The following MTUS2 variants were observed in gnomAD, a reference collection of about 807,000 sequenced individuals.
The protein encoded by MTUS2 is microtubule-associated tumor suppressor candidate 2.
A neutral mutation model predicts 114.1 loss-of-function variants in MTUS2; 40 were observed. The observed-to-expected ratio is 0.35, with a 90% CI of 0.27 to 0.46. The LOEUF (loss-of-function observed/expected upper bound fraction) is 0.46, where lower values mean the gene tolerates loss of function less well. Ranked by LOEUF, MTUS2 falls within the 20% of genes least tolerant of loss-of-function variation. MTUS2 has a pLI of 1.00. For synonymous variants in MTUS2, 688 were observed against 672.0 expected, an observed-to-expected ratio of 1.02 and a Z score of -0.37; for missense variants, 1,679 against 1,705.4, an observed-to-expected ratio of 0.98 and a Z score of 0.27.
chr13:29,185,373 T>A (rs1306286417), intron 5 of MTUS2, among the ~76,000 whole-genome samples: 1 of 152,036 alleles, frequency 6.6e-6, no homozygotes, highest in Non-Finnish European at 1.5e-5. Flanking sequence ...CTTGAAGAAA[T>A]AAGGGTGAAA....
intron 5 of MTUS2, among the ~76,000 whole-genome samples, chr13:29,151,957 C>A (rs1892678496): frequency 6.6e-6 from 1 of 152,110 alleles, no homozygotes; most frequent in African/African-American, 2.4e-5. Flanking sequence ...AGGATTTTTG[C>A]ATCTATGTTC....
chr13:29,229,742 A>G (rs969496158), intron 5 of MTUS2, among the ~76,000 whole-genome samples: 1 of 152,196 alleles, frequency 6.6e-6, no homozygotes, highest in Non-Finnish European at 1.5e-5. Context: ...CTTTCCTGTT[A>G]TTATAGGAAA....
At chr13:28,867,374 G>A (rs535372109) in intron 2 of MTUS2, among the ~76,000 whole-genome samples, 1 of 152,186 alleles carries the variant, frequency 6.6e-6, no homozygotes, top group African/African-American at 2.4e-5. Flanking sequence ...AAAAAATATG[G>A]AGAAGAAGGC....
intron 5 of MTUS2, among the ~76,000 whole-genome samples, chr13:29,270,005 C>A (rs928905688): frequency 1.3e-5 from 2 of 152,156 alleles, no homozygotes; most frequent in Non-Finnish European, 2.9e-5. Flanking sequence ...CTAAAAAGGT[C>A]AAACTCATAG....
At chr13:29,077,019 C>G (rs986110867) in intron 4 of MTUS2, among the ~76,000 whole-genome samples, 1 of 152,094 alleles carries the variant, frequency 6.6e-6, no homozygotes, top group Non-Finnish European at 1.5e-5. Flanking sequence ...TGGTTTTATC[C>G]TCATTTTTCA....
intron 2 of MTUS2, among the ~76,000 whole-genome samples, chr13:28,869,580 G>A (rs1202901474): frequency 6.6e-6 from 1 of 152,202 alleles, no homozygotes; most frequent in Admixed American, 6.5e-5. Context: ...AGACCATTCT[G>A]GCCAACATGG....
intron 2 of MTUS2, among the ~76,000 whole-genome samples, chr13:29,022,742 A>T (rs1285331104): frequency 1.3e-5 from 2 of 152,216 alleles, no homozygotes; most frequent in Non-Finnish European, 2.9e-5. Context: ...GCCTAATAAA[A>T]TGCACTCATA....
At chr13:29,207,652 A>G (rs559420250) in intron 5 of MTUS2, among the ~76,000 whole-genome samples, 2 of 152,212 alleles carry the variant, frequency 1.3e-5, no homozygotes, top group South Asian at 2.1e-4. Context: ...GATTTTGTCA[A>G]ATGCTTTTTC....
intron 8 of MTUS2, among the ~76,000 whole-genome samples, chr13:29,434,027 A>G (rs4238120): frequency 0.81 from 123,946 of 152,104 alleles, 50,959 homozygotes; most frequent in African/African-American, 0.87. Context: ...TTCCTGATCC[A>G]CACGGATTTC....
At chr13:29,214,013 T>A (rs1895569256) in intron 5 of MTUS2, among the ~76,000 whole-genome samples, 1 of 152,162 alleles carries the variant, frequency 6.6e-6, no homozygotes, top group Non-Finnish European at 1.5e-5. Flanking sequence ...GTTCATAATA[T>A]TAATGTATGT....
In MTUS2 at chr13:28,906,248, A is replaced by G. The variant is rs948660089; in HGVS notation, c.-243+66398A>G. ...TTTTTGAAGTGTTTTTTATGTCTCT[A>G]TTTCCTTCAGTTCTGCTCTGATTTT... On this transcript the variant is annotated intron_variant, in intron 2 of 15. Coordinates refer to ENST00000612955, the MANE Select transcript of MTUS2 (RefSeq NM_001033602.4). Among the ~76,000 whole-genome samples, 86 of 150,748 alleles carry G rather than the reference A, an allele frequency of 5.7e-4. 4 individuals carry two copies. Among genetic ancestry groups the G allele is most frequent in the African/African-American group, 2.5e-5 (1 of 40,672 alleles).
chr13:29,457,137 C>CG (rs1879172713), intron 9 of MTUS2, among the ~76,000 whole-genome samples: 14 of 139,950 alleles, frequency 1.0e-4, no homozygotes. Context: ...AGCGAGACTC[C>CG]ATTCAAAAAA....
At chr13:29,284,286 T>A (rs1231158904) in intron 6 of MTUS2, among the ~76,000 whole-genome samples, 5 of 152,226 alleles carry the variant, frequency 3.3e-5, no homozygotes, top group African/African-American at 1.2e-4. Flanking sequence ...CAGGAGGTCA[T>A]TGAGCAACAA....
At chr13:28,933,143 A>G (rs1379848787) in intron 2 of MTUS2, among the ~76,000 whole-genome samples, 1 of 150,714 alleles carries the variant, frequency 6.6e-6, no homozygotes. Context: ...ACACACACAC[A>G]CACACACACA....
intron 6 of MTUS2, among the ~76,000 whole-genome samples, chr13:29,311,047 A>G (rs528635058): frequency 1.3e-5 from 2 of 152,360 alleles, no homozygotes; most frequent in South Asian, 2.1e-4. Context: ...TTATTTGTCA[A>G]TGCAAATGAT....
intron 1 of MTUS2, among the ~76,000 whole-genome samples, chr13:28,835,690 G>T (rs1875030830): frequency 6.6e-6 from 1 of 152,192 alleles, no homozygotes; most frequent in Admixed American, 6.5e-5. Context: ...TTAAGAAATT[G>T]TTTATCTTCA....
At chr13:29,225,254 A>G (rs1464535212) in intron 5 of MTUS2, among the ~76,000 whole-genome samples, 1 of 152,222 alleles carries the variant, frequency 6.6e-6, no homozygotes, top group Non-Finnish European at 1.5e-5. Flanking sequence ...TTCATTTGCA[A>G]GAGGACCATG....
Position 28,953,997 on chromosome 13 carries a change from A to G in MTUS2, c.-242-70460A>G, listed in dbSNP as rs927190667. ...ATCAATGTGATAGACAAATGTGTCA[A>G]TGGAACAGAATGGAGACTCCAGAAA... is the stretch of plus-strand genomic sequence containing the variant. On this transcript the variant is annotated intron_variant, in intron 2 of 15. Coordinates refer to ENST00000612955, the MANE Select transcript of MTUS2 (RefSeq NM_001033602.4). Among the ~76,000 whole-genome samples the G allele has an allele frequency of 1.2e-4, 19 of 152,362 alleles. 1 individual carries two copies. Among genetic ancestry groups the G allele is most frequent in the Admixed American group, 2.0e-4 (3 of 15,310 alleles).
chr13:29,253,341 G>A lies in MTUS2; in HGVS notation c.2645-28363G>A, dbSNP rs181121609. Reference sequence around the variant, plus strand: ...CTCGGGAGGCTGAGACAGGAGAATCGTTTGAACCCAGGAGGCAGAGGTTTC... The same window carrying A: ...CTCGGGAGGCTGAGACAGGAGAATCATTTGAACCCAGGAGGCAGAGGTTTC... On this transcript the variant is annotated intron_variant, in intron 5 of 15. Coordinates refer to ENST00000612955, the MANE Select transcript of MTUS2 (RefSeq NM_001033602.4). Among the ~76,000 whole-genome samples the A allele has an allele frequency of 9.2e-5, 14 of 151,854 alleles. No individual in the cohort carries two copies. In the East Asian group the frequency reaches 1.6e-3, roughly 17 times the overall value.
Sources: gnomAD v4.1 joint callset for allele counts (sites outside exome capture counted in the v4.1 genomes callset) on GRCh38, gnomAD v4.1.1 for gene constraint, MANE v1.5 for transcripts, NCBI Gene and HGNC (gene_info 2026-07-23, HGNC 2026-07-21) for gene names.